GATAD2B: variants seen among roughly 807,000 people sequenced by gnomAD.
GATAD2B encodes the protein GATA zinc finger domain containing 2B.
Under a neutral mutation model 64.3 loss-of-function variants are expected in GATAD2B, and 8 were observed. The ratio of observed to expected loss-of-function variants is 0.12; its 90% CI spans 0.07 to 0.22. The LOEUF (loss-of-function observed/expected upper bound fraction) is 0.22. GATAD2B is among the 10% of genes least tolerant of loss of function. The pLI, the probability that GATAD2B is intolerant of heterozygous loss-of-function variation, is 1.00. For synonymous variants in GATAD2B, 281 were observed against 271.3 expected, an observed-to-expected ratio of 1.04 and a Z score of -0.35; for missense variants, 453 against 752.0, an observed-to-expected ratio of 0.60 and a Z score of 4.65.
chr1:153,872,316 C>CAAA (rs779386978), intron 1 of GATAD2B, among the ~76,000 whole-genome samples: 7 of 58,702 alleles, frequency 1.2e-4, no homozygotes, highest in African/African-American at 2.4e-4. Context: ...ACTCTGTCTC[C>CAAA]AAAAAAAAAA....
At chr1:153,847,205 G>A (rs1242793089) in intron 1 of GATAD2B, among the ~76,000 whole-genome samples, 4 of 152,068 alleles carry the variant, frequency 2.6e-5, no homozygotes, top group Admixed American at 2.6e-4. Context: ...GGCCTCAAGT[G>A]ATCCGCCTGC....
chr1:153,921,282 G>C (rs555701228), intron 1 of GATAD2B, among the ~76,000 whole-genome samples: 1 of 152,226 alleles, frequency 6.6e-6, no homozygotes. Flanking sequence ...TCTGTGCTAG[G>C]AGGGGAAGGA....
chr1:153,852,020 T>C (rs1675913832), intron 1 of GATAD2B: 10 of 398,208 alleles, frequency 2.5e-5, no homozygotes, highest in Middle Eastern at 7.0e-4. Flanking sequence ...CAATTTAGGG[T>C]TGCCTAGCAG....
At chr1:153,893,948 C>T (rs1372103006) in intron 1 of GATAD2B, among the ~76,000 whole-genome samples, 1 of 98,270 alleles carries the variant, frequency 1.0e-5, no homozygotes, top group South Asian at 3.8e-4. Flanking sequence ...CTGAACAAGA[C>T]TCCATCTAAA....
At chr1:153,861,643 C>T (rs1049756217) in intron 1 of GATAD2B, among the ~76,000 whole-genome samples, 18 of 148,884 alleles carry the variant, frequency 1.2e-4, no homozygotes, top group Middle Eastern at 3.5e-3. Flanking sequence ...ATTAGCCGGG[C>T]GTGGTGGTGC....
chr1:153,917,878 T>C (rs1678319387), intron 1 of GATAD2B, among the ~76,000 whole-genome samples: 1 of 152,170 alleles, frequency 6.6e-6, no homozygotes, highest in African/African-American at 2.4e-5. Context: ...CAGGCAAGGA[T>C]AAGCATGAGG....
At chr1:153,914,933 A>G (rs969937517) in intron 1 of GATAD2B, among the ~76,000 whole-genome samples, 2 of 151,108 alleles carry the variant, frequency 1.3e-5, no homozygotes, top group South Asian at 4.2e-4. Flanking sequence ...TTTCAAAAGA[A>G]AAAAAAAAGG....
intron 1 of GATAD2B, chr1:153,852,376 T>C (rs16835630): frequency 0.015 from 12,262 of 834,570 alleles, 155 homozygotes; most frequent in East Asian, 0.045. Flanking sequence ...CACCCTCATA[T>C]GCTTGGCCTG....
intron 10 of GATAD2B, 129 bp downstream of exon 10, chr1:153,811,602 G>GA: frequency 1.4e-6 from 1 of 727,776 alleles, no homozygotes; most frequent in Non-Finnish European, 2.4e-6. Flanking sequence ...AGTAACAGAA[G>GA]AGTGAGAGTG....
At chr1:153,831,124 T>G (rs1048961965) in intron 1 of GATAD2B, among the ~76,000 whole-genome samples, 1 of 152,160 alleles carries the variant, frequency 6.6e-6, no homozygotes, top group Non-Finnish European at 1.5e-5. Context: ...CTTAATTCCC[T>G]CCCTTTTTAA....
intron 1 of GATAD2B, among the ~76,000 whole-genome samples, 198 bp from the exon 2 acceptor site, chr1:153,828,546 T>C (rs909444970): frequency 5.3e-5 from 8 of 152,088 alleles, no homozygotes; most frequent in Admixed American, 5.2e-4. Flanking sequence ...AGAACATTTA[T>C]ATTAAAGGAG....
chr1:153,855,842 C>T (rs895920360), intron 1 of GATAD2B, among the ~76,000 whole-genome samples: 3 of 151,992 alleles, frequency 2.0e-5, no homozygotes, highest in Admixed American at 6.6e-5. Flanking sequence ...ATCACCACGC[C>T]CAGCTAATTT....
Position 153,809,039 on chromosome 1 carries a change from A to C in GATAD2B, c.*1138T>G, listed in dbSNP as rs540876696. On this transcript the variant is annotated 3_prime_UTR_variant, in exon 11 of 11. Transcript: ENST00000368655. ...GGTGAAAGAATAGGCAAATATGCGAATCTCAACTGTTGGAAGAGAAATCCT... is the reference window on the plus strand; with the variant it reads ...GGTGAAAGAATAGGCAAATATGCGACTCTCAACTGTTGGAAGAGAAATCCT... The C allele has an allele frequency of 6.6e-6, 1 of 152,234 alleles. No homozygotes were observed. Among genetic ancestry groups the C allele is most frequent in the East Asian group, 1.9e-4 (1 of 5,174 alleles). The allele number at this position is 152,234 out of a possible 1,614,324, so 9.4% of individuals were successfully genotyped here. A position where few individuals can be genotyped will look rare whatever the true frequency, so the allele number is the denominator to read the frequency against.
intron 1 of GATAD2B, among the ~76,000 whole-genome samples, chr1:153,857,136 G>A (rs1676110823): frequency 1.0e-5 from 1 of 99,432 alleles, no homozygotes; most frequent in Non-Finnish European, 2.2e-5. Flanking sequence ...ATATGCATAT[G>A]CATATATATA....
At chr1:153,885,863 C>CA (rs778577435) in intron 1 of GATAD2B, among the ~76,000 whole-genome samples, 1,247 of 53,038 alleles carry the variant, frequency 0.024, 10 homozygotes, top group African/African-American at 0.028. Flanking sequence ...ACTCCGTCTC[C>CA]AAAAAAAAAA....
intron 1 of GATAD2B, among the ~76,000 whole-genome samples, chr1:153,899,827 T>C (rs1035181657): frequency 6.6e-6 from 1 of 152,148 alleles, no homozygotes; most frequent in South Asian, 2.1e-4. Flanking sequence ...CTGGTACAAA[T>C]TTTTGGAGAA....
intron 1 of GATAD2B, among the ~76,000 whole-genome samples, chr1:153,915,785 C>T (rs1158854465): frequency 6.6e-6 from 1 of 150,478 alleles, no homozygotes; most frequent in African/African-American, 2.4e-5. Flanking sequence ...ACTGTATTTG[C>T]TCACACATTA....
At chr1:153,899,428 G>A (rs189955805) in intron 1 of GATAD2B, among the ~76,000 whole-genome samples, 5 of 152,182 alleles carry the variant, frequency 3.3e-5, no homozygotes, top group East Asian at 1.9e-4. Flanking sequence ...ATAGCCACGC[G>A]TGGTTGCACA....
At chr1:153,884,344 G>A (rs1429788116) in intron 1 of GATAD2B, among the ~76,000 whole-genome samples, 2 of 152,332 alleles carry the variant, frequency 1.3e-5, no homozygotes, top group Non-Finnish European at 2.9e-5. Context: ...TCCGGAGGCT[G>A]AGGCGGGAGA....
Sources: gnomAD v4.1 joint callset for allele counts (sites outside exome capture counted in the v4.1 genomes callset) on GRCh38, gnomAD v4.1.1 for gene constraint, MANE v1.5 for transcripts, NCBI Gene and HGNC (gene_info 2026-07-23, HGNC 2026-07-21) for gene names.